The following SP100 variants were observed in gnomAD, a reference collection of about 807,000 sequenced individuals.
SP100 encodes nuclear autoantigen Sp-100.
A neutral mutation model predicts 130.0 loss-of-function variants in SP100; 84 were observed. The ratio of observed to expected loss-of-function variants is 0.65; its 90% CI spans 0.54 to 0.77. The LOEUF (loss-of-function observed/expected upper bound fraction) is 0.77, where lower values mean the gene tolerates loss of function less well. Among genes scored for constraint, SP100 ranks in the 30% least tolerant of loss-of-function variants. The pLI, the probability that SP100 is intolerant of heterozygous loss-of-function variation, is 0.00. For synonymous variants in SP100, 331 were observed against 351.7 expected (o/e 0.94, Z 0.66); for missense variants, 978 against 1,052.2 (o/e 0.93, Z 0.97).
intron 23 of SP100, chr2:230,509,166 C>G (rs140098139): frequency 6.6e-6 from 1 of 152,298 alleles, no homozygotes; most frequent in East Asian, 1.9e-4. Flanking sequence ...GTTCATAGAC[C>G]AGTGGTCTTC....
intron 5 of SP100, among the ~76,000 whole-genome samples, chr2:230,447,515 A>G (rs924658648): frequency 6.6e-6 from 1 of 152,212 alleles, no homozygotes; most frequent in Admixed American, 6.5e-5. Flanking sequence ...GTGCCTGTAA[A>G]TTGGAGGTTC....
At chr2:230,431,801 T>C (rs1298897849) in intron 2 of SP100, among the ~76,000 whole-genome samples, 2 of 152,196 alleles carry the variant, frequency 1.3e-5, no homozygotes, top group African/African-American at 4.8e-5. Flanking sequence ...CCTGCCTATA[T>C]TCCAGAAAGA....
At chr2:230,525,536 C>A (rs911202594) in intron 24 of SP100, among the ~76,000 whole-genome samples, 2 of 152,028 alleles carry the variant, frequency 1.3e-5, no homozygotes, top group Non-Finnish European at 2.9e-5. Flanking sequence ...AACAGAGGTA[C>A]CTGGTTCATC....
chr2:230,482,574 G>C (rs1575708627), intron 17 of SP100, among the ~76,000 whole-genome samples: 1 of 145,008 alleles, frequency 6.9e-6, no homozygotes. Flanking sequence ...TTTTAGAATT[G>C]ATTTTTTTTT....
intron 2 of SP100, among the ~76,000 whole-genome samples, chr2:230,432,344 G>C (rs2063124271): frequency 6.6e-6 from 1 of 151,886 alleles, no homozygotes; most frequent in Admixed American, 6.6e-5. Flanking sequence ...TGCTGTCCTG[G>C]GTATTTGCAT....
chr2:230,502,497 A>C (rs2067091562), intron 19 of SP100, among the ~76,000 whole-genome samples: 1 of 152,148 alleles, frequency 6.6e-6, no homozygotes, highest in Non-Finnish European at 1.5e-5. Context: ...TAAAGTGAGG[A>C]TAGTACTAGT....
At position 230,523,823 on chromosome 2, in the gene SP100, C is replaced by T. The variant is rs569670983; in HGVS notation, c.2094+12657C>T. The stretch of plus-strand genomic sequence containing the variant: ...ACTCAGGAGGCTAAGGCAGAAGAAT[C>T]GCTTGAATCTGGGAGGTAGAGGTTG... On this transcript the variant is annotated intron_variant, in intron 24 of 28. Transcript: ENST00000340126. 1.1e-3 allele frequency among the ~76,000 whole-genome samples: 160 copies of T among 151,956 alleles called. 3 individuals are homozygous for T. The South Asian group carries it at 0.02, about 19-fold the overall frequency.
intron 8 of SP100, among the ~76,000 whole-genome samples, chr2:230,459,962 C>G (rs181150328): frequency 7.4e-4 from 113 of 152,316 alleles, no homozygotes; most frequent in Admixed American, 1.8e-3. Flanking sequence ...GCGCGTTCCC[C>G]GTCACCCACC....
Position 230,498,521 on chromosome 2 carries a change from G to T in SP100, c.1706G>T (p.Arg569Ile), listed in dbSNP as rs1275262706. 1.4e-6 allele frequency: 2 copies of T among 1,467,744 alleles called. No individual in the cohort carries two copies. The highest frequency in any genetic ancestry group is 1.8e-6 in the Non-Finnish European group (2 of 1,110,448). 90.9% of individuals were successfully genotyped at this position (1,467,744 alleles called of 1,614,324 possible). A position where few individuals can be genotyped will look rare whatever the true frequency, so the allele number is the denominator to read the frequency against. ...CTGAATAACAAAGTCCAAAAGAAAA[G>T]ATGGCAACAAAGAGGTAAAAAAAAA... ...LTLNNKVQKK[R>I]WQQRGRKANT... The change falls in exon 19 of 29, where the codon AGA (arginine) becomes ATA (isoleucine). Residue 569 changes from arginine to isoleucine, a missense_variant. By Grantham distance (97) the Arg-to-Ile change is moderately conservative. Transcript: ENST00000340126.
At chr2:230,514,153 C>T (rs190778044) in intron 24 of SP100, among the ~76,000 whole-genome samples, 2,040 of 151,180 alleles carry the variant, frequency 0.013, 45 homozygotes, top group African/African-American at 0.046. Context: ...CTTGAAAACA[C>T]AATAGAATAA....
chr2:230,515,024 T>C (rs1267467969), intron 24 of SP100: 17 of 1,585,922 alleles, frequency 1.1e-5, no homozygotes, highest in African/African-American at 2.7e-5. Flanking sequence ...TAACTAAACA[T>C]GGACAAAGCA....
chr2:230,444,161 A>G lies in SP100; in HGVS notation c.271-17A>G, dbSNP rs763102406. The G allele has an allele frequency of 9.8e-6, 15 of 1,532,586 alleles. No individual in the cohort carries two copies. The African/African-American group carries it at 1.3e-4, about 13-fold the overall frequency. 94.9% of individuals were successfully genotyped at this position (1,532,586 alleles called of 1,614,324 possible). On this transcript the variant is annotated splice_polypyrimidine_tract_variant and intron_variant, in intron 3 of 28. Transcript: ENST00000340126. ...GGAAGTCTTTATTTATATTTTCTCC[A>G]TTCAATATTTTTTAAGGATTCTCAA...
intron 27 of SP100, 82 bp from the exon 28 acceptor site, chr2:230,541,810 G>T: frequency 6.9e-7 from 1 of 1,452,406 alleles, no homozygotes; most frequent in Non-Finnish European, 9.3e-7. Context: ...TGGATTGGGG[G>T]AACTCCACAA....
intron 5 of SP100, among the ~76,000 whole-genome samples, chr2:230,447,510 T>C (rs1389571288): frequency 6.6e-6 from 1 of 152,240 alleles, no homozygotes; most frequent in African/African-American, 2.4e-5. Context: ...GGCCTGTGCC[T>C]GTAAATTGGA....
At chr2:230,511,320 G>A (rs543730235) in intron 24 of SP100, among the ~76,000 whole-genome samples, 154 bp downstream of exon 24, 5 of 152,184 alleles carry the variant, frequency 3.3e-5, no homozygotes, top group Non-Finnish European at 7.4e-5. Flanking sequence ...CCTGGGTCTG[G>A]GATTGGGTGT....
At chr2:230,481,542 T>C (rs547208846) in intron 17 of SP100, among the ~76,000 whole-genome samples, 2 of 152,338 alleles carry the variant, frequency 1.3e-5, no homozygotes, top group African/African-American at 2.4e-5. Flanking sequence ...CCTATTATCT[T>C]GCATGTGGAA....
At chr2:230,469,339 T>TCACATAAATAGGATAAA in intron 14 of SP100, 1 of 514,184 alleles carries the variant, frequency 1.9e-6, no homozygotes, top group Non-Finnish European at 3.6e-6. Flanking sequence ...AAGTAGTTCC[T>TCACATAAATAGGATAAA]GAGTAGAGGG....
At chr2:230,481,788 C>G (rs1195722678) in intron 17 of SP100, among the ~76,000 whole-genome samples, 2 of 152,210 alleles carry the variant, frequency 1.3e-5, no homozygotes, top group African/African-American at 4.8e-5. Context: ...GATTCCCCCT[C>G]ACTTGCTACT....
chr2:230,541,802 G>T, intron 27 of SP100, 90 bp from the exon 28 acceptor site: 1 of 1,408,720 alleles, frequency 7.1e-7, no homozygotes, highest in Non-Finnish European at 9.7e-7. Flanking sequence ...TTGACCTATG[G>T]ATTGGGGGAA....
Sources: allele counts gnomAD v4.1 joint callset (sites outside exome capture counted in the v4.1 genomes callset), GRCh38; gene constraint gnomAD v4.1.1; transcripts MANE v1.5; gene names NCBI Gene and HGNC (gene_info 2026-07-23, HGNC 2026-07-21).